The following PLEKHB2 variants were observed in gnomAD, a reference collection of about 807,000 sequenced individuals.
The protein encoded by PLEKHB2 is pleckstrin homology domain containing B2, also known as pleckstrin homology domain-containing family B member 2.
A neutral mutation model predicts 36.5 loss-of-function variants in PLEKHB2; 31 were observed. The ratio of observed to expected loss-of-function variants is 0.85; its 90% CI spans 0.64 to 1.15. The LOEUF (loss-of-function observed/expected upper bound fraction) is 1.15. Among genes scored for constraint, PLEKHB2 ranks in the 50% most tolerant of loss-of-function variants. The pLI is 0.00. For synonymous variants in PLEKHB2, 119 were observed against 112.0 expected, an observed-to-expected ratio of 1.06 and a Z score of -0.39; for missense variants, 262 against 295.3, an observed-to-expected ratio of 0.89 and a Z score of 0.83.
At chr2:131,121,597 C>T (rs1302731949) in intron 2 of PLEKHB2, among the ~76,000 whole-genome samples, 1 of 152,074 alleles carries the variant, frequency 6.6e-6, no homozygotes, top group Non-Finnish European at 1.5e-5. Flanking sequence ...TCTAACTGAG[C>T]CCAGCTGAGA....
At chr2:131,130,503 A>G (rs1041429039) in intron 4 of PLEKHB2, among the ~76,000 whole-genome samples, 2 of 152,212 alleles carry the variant, frequency 1.3e-5, no homozygotes, top group Non-Finnish European at 2.9e-5. Context: ...AGTAAAGTAA[A>G]AAGTATAGTA....
intron 1 of PLEKHB2, among the ~76,000 whole-genome samples, chr2:131,114,318 G>C (rs1419346905): frequency 6.6e-6 from 1 of 152,108 alleles, no homozygotes; most frequent in Non-Finnish European, 1.5e-5. Flanking sequence ...TAGAGACGGG[G>C]TTTCATCGTG....
At chr2:131,135,360 C>G (rs1420483498) in intron 6 of PLEKHB2, among the ~76,000 whole-genome samples, 5 of 152,124 alleles carry the variant, frequency 3.3e-5, no homozygotes, top group Non-Finnish European at 5.9e-5. Flanking sequence ...AGCCATGGTG[C>G]CTGGTCGGCG....
intron 6 of PLEKHB2, among the ~76,000 whole-genome samples, chr2:131,135,447 T>A (rs1698144209): frequency 6.6e-6 from 1 of 152,254 alleles, no homozygotes; most frequent in African/African-American, 2.4e-5. Context: ...TAGGCAATCA[T>A]GTCATCTACA....
intron 1 of PLEKHB2, among the ~76,000 whole-genome samples, chr2:131,115,491 C>T (rs1695773356): frequency 6.6e-6 from 1 of 151,422 alleles, no homozygotes; most frequent in South Asian, 2.1e-4. Context: ...GTAGCTGGGA[C>T]TACAGGCATG....
chr2:131,146,594 A>G (rs749759060), intron 7 of PLEKHB2, 43 bp from the exon 8 acceptor site: 2 of 1,575,320 alleles, frequency 1.3e-6, no homozygotes, highest in South Asian at 2.3e-5. Context: ...GTTAAACTTC[A>G]CAAACCGCTG....
At chr2:131,143,004 A>T (rs953809596) in intron 7 of PLEKHB2, among the ~76,000 whole-genome samples, 1 of 151,982 alleles carries the variant, frequency 6.6e-6, no homozygotes, top group Admixed American at 6.6e-5. Context: ...TACTTCAGGT[A>T]CTCCTACCCC....
chr2:131,128,394 A>G (rs1697312751), intron 4 of PLEKHB2, among the ~76,000 whole-genome samples: 1 of 152,214 alleles, frequency 6.6e-6, no homozygotes, highest in Admixed American at 6.5e-5. Context: ...GTGGAGGAAA[A>G]TAAAACCCAA....
intron 6 of PLEKHB2, among the ~76,000 whole-genome samples, chr2:131,137,058 T>C (rs554490350): frequency 2.6e-5 from 4 of 151,654 alleles, no homozygotes; most frequent in African/African-American, 9.7e-5. Flanking sequence ...GCCATTCTTC[T>C]GCCTCAGCCT....
intron 1 of PLEKHB2, among the ~76,000 whole-genome samples, chr2:131,114,289 C>T: frequency 6.6e-6 from 1 of 152,102 alleles, no homozygotes; most frequent in East Asian, 1.9e-4. Flanking sequence ...CCACGCCCGG[C>T]TAATTTTTGT....
Position 131,149,267 on chromosome 2 carries a change from C to CT in PLEKHB2, c.*2498dup, listed in dbSNP as rs961098237. 6.6e-6 allele frequency: 1 copy of CT among 152,224 alleles called. No homozygotes were observed. The highest frequency in any genetic ancestry group is 1.5e-5 in the Non-Finnish European group (1 of 68,038). The allele number at this position is 152,224 out of a possible 1,614,324, so 9.4% of individuals were successfully genotyped here. ...GATAGCCTCAGTTTCTCAACGATGT[C>CT]TTTTGTTTACAGTGCTACACTTAGT... On this transcript the variant is annotated 3_prime_UTR_variant, in exon 8 of 8. Coordinates refer to ENST00000693505, the MANE Select transcript of PLEKHB2 (RefSeq NM_001100623.2).
At chr2:131,129,324 CAAAAAAAAAAAAA>C (rs1168039416) in intron 4 of PLEKHB2, among the ~76,000 whole-genome samples, 5 of 49,932 alleles carry the variant, frequency 1.0e-4, no homozygotes, top group African/African-American at 1.4e-4. Context: ...GACTCCATCT[CAAAAAAAAAAAAA>C]AAAAAAAAAA....
At chr2:131,107,018 TGTG>T (rs369115439) in intron 1 of PLEKHB2, among the ~76,000 whole-genome samples, 17 of 152,362 alleles carry the variant, frequency 1.1e-4, no homozygotes, top group African/African-American at 3.6e-4. Context: ...CAGATACTCT[TGTG>T]GTGTTACTCC....
At chr2:131,122,153 C>CCAAAGTGCTGGGATTACAGG (rs977561760) in intron 2 of PLEKHB2, among the ~76,000 whole-genome samples, 4 of 152,012 alleles carry the variant, frequency 2.6e-5, no homozygotes, top group Non-Finnish European at 4.4e-5. Context: ...CCTCGGCCTC[C>CCAAAGTGCTGGGATTACAGG]CAAAGTGCTG....
At chr2:131,110,071 C>T (rs181863984) in intron 1 of PLEKHB2, among the ~76,000 whole-genome samples, 2,041 of 151,844 alleles carry the variant, frequency 0.013, 48 homozygotes, top group African/African-American at 0.047. Context: ...GCTGAGATCG[C>T]GCCACTGCCC....
intron 1 of PLEKHB2, among the ~76,000 whole-genome samples, chr2:131,106,905 C>G (rs1460683159): frequency 6.6e-6 from 1 of 152,162 alleles, no homozygotes. Flanking sequence ...CGGTTCTTTG[C>G]TAGCATTATA....
At chr2:131,129,839 A>G (rs1697501018) in intron 4 of PLEKHB2, among the ~76,000 whole-genome samples, 1 of 152,250 alleles carries the variant, frequency 6.6e-6, no homozygotes, top group African/African-American at 2.4e-5. Context: ...CTTAAGGTTC[A>G]GATATCTAGT....
chr2:131,134,663 C>T (rs1329410748), intron 6 of PLEKHB2, among the ~76,000 whole-genome samples: 1 of 152,094 alleles, frequency 6.6e-6, no homozygotes, highest in Non-Finnish European at 1.5e-5. Flanking sequence ...TGATCAACAC[C>T]CTCTTTGTTC....
Position 131,149,333 on chromosome 2 carries a change from C to T in PLEKHB2, c.*2560C>T, listed in dbSNP as rs1340487251. The T allele has an allele frequency of 6.6e-6, 1 of 152,226 alleles. No individual in the cohort carries two copies. Among genetic ancestry groups the T allele is most frequent in the Non-Finnish European group, 1.5e-5 (1 of 68,034 alleles). 9.4% of individuals were successfully genotyped at this position (152,226 alleles called of 1,614,324 possible). On this transcript the variant is annotated 3_prime_UTR_variant, in exon 8 of 8. Coordinates refer to ENST00000693505, the MANE Select transcript of PLEKHB2 (RefSeq NM_001100623.2). Reference sequence around the variant, plus strand: ...CTTGAGTTACAAGAAACTTCTTATTCAGGTTTGAGTAAGCATTTTACTTCC... The same window carrying T: ...CTTGAGTTACAAGAAACTTCTTATTTAGGTTTGAGTAAGCATTTTACTTCC...
Sources: allele counts gnomAD v4.1 joint callset (sites outside exome capture counted in the v4.1 genomes callset), GRCh38; gene constraint gnomAD v4.1.1; transcripts MANE v1.5; gene names NCBI Gene and HGNC (gene_info 2026-07-23, HGNC 2026-07-21).